The following C3orf20 variants were observed in gnomAD, a reference collection of about 807,000 sequenced individuals.
C3orf20 encodes the protein family with sequence similarity 149 member C.
Under a neutral mutation model 88.3 loss-of-function variants are expected in C3orf20, and 76 were observed. That is an observed-to-expected ratio of 0.86 (90% confidence interval 0.72 to 1.04). C3orf20 has a LOEUF of 1.04. Ranked by LOEUF, C3orf20 falls within the 50% of genes least tolerant of loss-of-function variation. The pLI, the probability that C3orf20 is intolerant of heterozygous loss-of-function variation, is 0.00. For missense variants in C3orf20, 1,056 were observed against 1,123.3 expected, an observed-to-expected ratio of 0.94 and a Z score of 0.86; for synonymous variants, 436 against 437.4, an observed-to-expected ratio of 1.00 and a Z score of 0.04.
intron 15 of C3orf20, among the ~76,000 whole-genome samples, chr3:14,763,808 A>C (rs908098807): frequency 6.6e-6 from 1 of 152,162 alleles, no homozygotes; most frequent in Non-Finnish European, 1.5e-5. Context: ...GCTGGCACAT[A>C]GCTCACGTTT....
intron 12 of C3orf20, among the ~76,000 whole-genome samples, chr3:14,747,589 G>A (rs9820647): frequency 0.68 from 103,177 of 151,978 alleles, 35,497 homozygotes; most frequent in African/African-American, 0.81. Context: ...CAGGGCTACA[G>A]TCTAATAACA....
chr3:14,757,779 G>A (rs2035424769), intron 13 of C3orf20, 105 bp downstream of exon 13: 3 of 1,055,250 alleles, frequency 2.8e-6, no homozygotes, highest in South Asian at 1.6e-5. Flanking sequence ...ACCTGCCTGA[G>A]GGGCCACCCT....
chr3:14,742,745 G>A (rs536822767), intron 12 of C3orf20, among the ~76,000 whole-genome samples: 1 of 152,314 alleles, frequency 6.6e-6, no homozygotes, highest in Admixed American at 6.5e-5. Context: ...CATGGCTAGG[G>A]AGGCCTCAGA....
chr3:14,739,183 A>T (rs907636847), intron 12 of C3orf20, among the ~76,000 whole-genome samples: 6 of 152,212 alleles, frequency 3.9e-5, no homozygotes, highest in Admixed American at 1.3e-4. Flanking sequence ...ATCACTACCT[A>T]CAGCATCTAT....
chr3:14,717,123 A>G (rs2033972308), intron 9 of C3orf20, among the ~76,000 whole-genome samples: 1 of 152,194 alleles, frequency 6.6e-6, no homozygotes, highest in Non-Finnish European at 1.5e-5. Flanking sequence ...TTGGCTGTGC[A>G]ACTTTGCGAA....
At chr3:14,752,399 A>G (rs2035245952) in intron 12 of C3orf20, among the ~76,000 whole-genome samples, 1 of 152,154 alleles carries the variant, frequency 6.6e-6, no homozygotes, top group Admixed American at 6.5e-5. Flanking sequence ...AACCTAGACA[A>G]TACCGGTAAT....
At chr3:14,725,547 CA>C (rs2034316143) in intron 10 of C3orf20, among the ~76,000 whole-genome samples, 1 of 152,142 alleles carries the variant, frequency 6.6e-6, no homozygotes, top group Non-Finnish European at 1.5e-5. Flanking sequence ...TTTTTGGAAG[CA>C]GGCTGAGTAT....
At chr3:14,714,926 T>C (rs1370759779) in intron 8 of C3orf20, among the ~76,000 whole-genome samples, 2 of 152,200 alleles carry the variant, frequency 1.3e-5, no homozygotes, top group African/African-American at 4.8e-5. Context: ...TTTGCCTGGC[T>C]TTTCATAAGG....
intron 7 of C3orf20, among the ~76,000 whole-genome samples, chr3:14,705,737 A>G (rs577152585): frequency 1.1e-3 from 168 of 152,306 alleles, no homozygotes; most frequent in Non-Finnish European, 2.0e-3. Context: ...CACTTATTCC[A>G]GGTTACACAG....
chr3:14,695,873 C>T (rs559558179), intron 5 of C3orf20, among the ~76,000 whole-genome samples: 19 of 151,990 alleles, frequency 1.3e-4, no homozygotes, highest in African/African-American at 4.3e-4. Context: ...AGTTTATGTG[C>T]GTCTTTATAA....
intron 15 of C3orf20, among the ~76,000 whole-genome samples, chr3:14,764,749 A>T (rs568869370): frequency 6.6e-6 from 1 of 152,172 alleles, no homozygotes; most frequent in Non-Finnish European, 1.5e-5. Flanking sequence ...TCCTCACAAC[A>T]TGGTGGCTGG....
intron 9 of C3orf20, among the ~76,000 whole-genome samples, chr3:14,719,461 G>A (rs2034068231): frequency 6.6e-6 from 1 of 152,230 alleles, no homozygotes; most frequent in Non-Finnish European, 1.5e-5. Context: ...ATGACTCCAT[G>A]ACGGATTATG....
intron 12 of C3orf20, among the ~76,000 whole-genome samples, chr3:14,738,806 A>G (rs868351249): frequency 1.3e-4 from 15 of 118,562 alleles, no homozygotes; most frequent in Middle Eastern, 5.0e-3. Flanking sequence ...ATGCCTGGCT[A>G]ATTTTTTTGT....
At chr3:14,723,153 G>T (rs187936801) in intron 10 of C3orf20, among the ~76,000 whole-genome samples, 86 of 152,342 alleles carry the variant, frequency 5.6e-4, no homozygotes, top group Admixed American at 2.3e-3. Flanking sequence ...TTGGATGATA[G>T]ATTATATGAT....
intron 12 of C3orf20, among the ~76,000 whole-genome samples, chr3:14,744,640 T>TA (rs2035009564): frequency 6.6e-6 from 1 of 152,124 alleles, no homozygotes; most frequent in Non-Finnish European, 1.5e-5. Context: ...TAATTGGACT[T>TA]ACAGTTCCCC....
chr3:14,766,315 C>T (rs990995813), intron 15 of C3orf20, among the ~76,000 whole-genome samples: 99 of 152,332 alleles, frequency 6.5e-4, no homozygotes, highest in African/African-American at 2.2e-3. Flanking sequence ...CAATAGGGAC[C>T]GGAGAGGCCA....
intron 12 of C3orf20, among the ~76,000 whole-genome samples, chr3:14,729,266 T>C (rs2034461434): frequency 6.6e-6 from 1 of 152,104 alleles, no homozygotes; most frequent in South Asian, 2.1e-4. Context: ...AAGGCAGTTC[T>C]CAGGAGATTA....
intron 12 of C3orf20, among the ~76,000 whole-genome samples, chr3:14,742,885 T>C (rs187489391): frequency 9.8e-4 from 148 of 151,352 alleles, no homozygotes; most frequent in East Asian, 7.8e-4. Context: ...GAGAATAGCA[T>C]GGGAAAGACC....
intron 13 of C3orf20, 62 bp from the exon 14 acceptor site, chr3:14,759,829 G>A (rs1559445888): frequency 3.6e-6 from 5 of 1,407,670 alleles, no homozygotes; most frequent in Admixed American, 3.4e-5. Flanking sequence ...CCGAGAATAT[G>A]GCAATCCAGG....
Sources: gnomAD v4.1 joint callset for allele counts (sites outside exome capture counted in the v4.1 genomes callset) on GRCh38, gnomAD v4.1.1 for gene constraint, MANE v1.5 for transcripts, NCBI Gene and HGNC (gene_info 2026-07-23, HGNC 2026-07-21) for gene names.